Variants in KIAA1549L observed in about 807,000 individuals in gnomAD.
The protein encoded by KIAA1549L is KIAA1549 like, also known as UPF0606 protein KIAA1549L.
A neutral mutation model predicts 160.7 loss-of-function variants in KIAA1549L; 88 were observed. That is an observed-to-expected ratio of 0.55 (90% CI 0.46 to 0.65). KIAA1549L has a LOEUF of 0.65. Among genes scored for constraint, KIAA1549L ranks in the 30% least tolerant of loss-of-function variants. KIAA1549L has a pLI of 0.00. For missense variants in KIAA1549L, 2,258 were observed against 2,437.5 expected (o/e 0.93, Z 1.55); for synonymous variants, 950 against 976.7 (o/e 0.97, Z 0.51).
chr11:33,414,072 C>A (rs1565126571), intron 1 of KIAA1549L, among the ~76,000 whole-genome samples: 1 of 152,208 alleles, frequency 6.6e-6, no homozygotes, highest in Non-Finnish European at 1.5e-5. Flanking sequence ...ATTGTCAAAG[C>A]ATCTGTGACA....
chr11:33,447,183 T>C (rs1020563284), intron 1 of KIAA1549L, among the ~76,000 whole-genome samples: 3 of 152,106 alleles, frequency 2.0e-5, no homozygotes, highest in African/African-American at 7.2e-5. Context: ...GAAGGAACTG[T>C]GCAGGTGGAA....
At chr11:33,620,862 A>G (rs1336144436) in intron 16 of KIAA1549L, among the ~76,000 whole-genome samples, 1 of 152,210 alleles carries the variant, frequency 6.6e-6, no homozygotes, top group Non-Finnish European at 1.5e-5. Context: ...GAAAAAAAAA[A>G]GTGAGTCATA....
chr11:33,435,808 ATATG>A (rs1347865443), intron 1 of KIAA1549L, among the ~76,000 whole-genome samples: 2,937 of 23,942 alleles, frequency 0.12, 712 homozygotes, highest in African/African-American at 0.42. Context: ...ATATATATAT[ATATG>A]TGTGTGTATA....
intron 13 of KIAA1549L, among the ~76,000 whole-genome samples, chr11:33,603,355 G>T (rs1365520721): frequency 1.3e-5 from 2 of 151,912 alleles, no homozygotes; most frequent in African/African-American, 2.4e-5. Flanking sequence ...GGTAATGAAG[G>T]GGGGATTAGA....
intron 12 of KIAA1549L, among the ~76,000 whole-genome samples, chr11:33,596,117 A>G (rs1287580847): frequency 6.6e-6 from 1 of 152,184 alleles, no homozygotes; most frequent in African/African-American, 2.4e-5. Context: ...TCCCAGCTCC[A>G]TGTCCTCAGA....
intron 10 of KIAA1549L, 39 bp downstream of exon 10, chr11:33,574,912 A>G: frequency 1.3e-6 from 2 of 1,547,036 alleles, no homozygotes; most frequent in Non-Finnish European, 1.8e-6. Flanking sequence ...TTTTAATGCC[A>G]TTAAATGTTT....
At chr11:33,439,267 T>G (rs981526148) in intron 1 of KIAA1549L, among the ~76,000 whole-genome samples, 1 of 152,222 alleles carries the variant, frequency 6.6e-6, no homozygotes, top group African/African-American at 2.4e-5. Flanking sequence ...TTTTTACCTT[T>G]TAAAATTGAT....
intron 16 of KIAA1549L, among the ~76,000 whole-genome samples, chr11:33,624,041 G>A (rs973978776): frequency 6.6e-6 from 1 of 152,160 alleles, no homozygotes; most frequent in African/African-American, 2.4e-5. Context: ...TCAGCATGCT[G>A]TAGGTATACT....
At chr11:33,559,156 T>G (rs1854752842) in intron 6 of KIAA1549L, among the ~76,000 whole-genome samples, 1 of 152,092 alleles carries the variant, frequency 6.6e-6, no homozygotes, top group Non-Finnish European at 1.5e-5. Flanking sequence ...CCTTTTCTAA[T>G]TAGGTTCTGT....
intron 1 of KIAA1549L, among the ~76,000 whole-genome samples, chr11:33,485,985 C>T (rs1436918829): frequency 6.6e-6 from 1 of 152,146 alleles, no homozygotes; most frequent in Non-Finnish European, 1.5e-5. Flanking sequence ...AGTATTCCAT[C>T]ATGTATATAT....
At position 33,609,749 on chromosome 11, in the gene KIAA1549L, G is replaced by C. The variant is rs774873847; in HGVS notation, c.5062G>C (p.Val1688Leu). Residue 1688 changes from valine (V) to leucine (L), a missense_variant and splice_region_variant, in exon 15 of 21, where the codon GTG becomes CTG. Val to Leu is a conservative substitution (Grantham distance 32). Transcript: ENST00000658780. Reference sequence around the variant, plus strand: ...GGCCTGAGACTGCCTCTCTCCCCAGGTGAACAAAGCCCTGAAGCAGAAGTC... The same window carrying C: ...GGCCTGAGACTGCCTCTCTCCCCAGCTGAACAAAGCCCTGAAGCAGAAGTC... ...QESSAVLNGE[V>L]NKALKQKSDI... The C allele has an allele frequency of 1.2e-6, 2 of 1,601,464 alleles. No individual in the cohort carries two copies.
intron 1 of KIAA1549L, among the ~76,000 whole-genome samples, chr11:33,482,707 T>G (rs1852437199): frequency 6.6e-6 from 1 of 151,646 alleles, no homozygotes; most frequent in Non-Finnish European, 1.5e-5. Flanking sequence ...GTAGCTGGGA[T>G]TATAGGCACG....
chr11:33,611,724 T>C (rs1850653827), intron 15 of KIAA1549L, among the ~76,000 whole-genome samples: 2 of 152,086 alleles, frequency 1.3e-5, no homozygotes, highest in African/African-American at 4.8e-5. Context: ...CTGGATTTCA[T>C]GCTGACACTC....
intron 1 of KIAA1549L, among the ~76,000 whole-genome samples, chr11:33,472,102 CTTTCCTTTT>C (rs1852190060): frequency 1.3e-5 from 2 of 151,788 alleles, no homozygotes; most frequent in Non-Finnish European, 2.9e-5. Context: ...TTCTTCCTTC[CTTTCCTTTT>C]TTTCCTTTCT....
At chr11:33,476,610 C>T (rs1021014061) in intron 1 of KIAA1549L, among the ~76,000 whole-genome samples, 1 of 152,186 alleles carries the variant, frequency 6.6e-6, no homozygotes, top group Non-Finnish European at 1.5e-5. Flanking sequence ...CTCTTCGTAG[C>T]TCCTACACTT....
chr11:33,526,109 C>G (rs558365989), intron 1 of KIAA1549L, among the ~76,000 whole-genome samples: 2 of 152,206 alleles, frequency 1.3e-5, no homozygotes, highest in South Asian at 4.2e-4. Flanking sequence ...CTGAGAAACC[C>G]AAGTAAGTAC....
At chr11:33,428,853 CTAG>C (rs1472147523) in intron 1 of KIAA1549L, among the ~76,000 whole-genome samples, 1 of 152,206 alleles carries the variant, frequency 6.6e-6, no homozygotes, top group Non-Finnish European at 1.5e-5. Flanking sequence ...ATCTCTAGTT[CTAG>C]ATCCTTGAGG....
chr11:33,597,783 T>C (rs1278542228), intron 12 of KIAA1549L, among the ~76,000 whole-genome samples: 7 of 152,114 alleles, frequency 4.6e-5, no homozygotes, highest in African/African-American at 1.4e-4. Flanking sequence ...TCTTTGGTCA[T>C]TGTATGGGAC....
At chr11:33,612,008 A>G (rs1850660505) in intron 15 of KIAA1549L, among the ~76,000 whole-genome samples, 1 of 152,188 alleles carries the variant, frequency 6.6e-6, no homozygotes, top group Admixed American at 6.5e-5. Flanking sequence ...TATTGTAGCT[A>G]ATTCTCAGCA....
Sources: allele counts gnomAD v4.1 joint callset (sites outside exome capture counted in the v4.1 genomes callset), GRCh38; gene constraint gnomAD v4.1.1; transcripts MANE v1.5; gene names NCBI Gene and HGNC (gene_info 2026-07-23, HGNC 2026-07-21).